The following MAP3K20 variants were observed in gnomAD, a reference collection of about 807,000 sequenced individuals.
The protein encoded by MAP3K20 is mitogen-activated protein kinase kinase kinase 20, also known as HCCS-4.
A neutral mutation model predicts 85.7 loss-of-function variants in MAP3K20; 40 were observed. The observed-to-expected ratio is 0.47, with a 90% CI of 0.36 to 0.61. The LOEUF (loss-of-function observed/expected upper bound fraction) is 0.61. Among genes scored for constraint, MAP3K20 ranks in the 20% least tolerant of loss-of-function variants. MAP3K20 has a pLI of 0.00. For missense variants in MAP3K20, 817 were observed against 961.7 expected (o/e 0.85, Z 1.99); for synonymous variants, 325 against 327.7 (o/e 0.99, Z 0.09).
chr2:173,108,027 T>C (rs1168612078), intron 2 of MAP3K20, among the ~76,000 whole-genome samples: 4 of 152,248 alleles, frequency 2.6e-5, no homozygotes, highest in African/African-American at 7.2e-5. Context: ...TTAAAAAATC[T>C]TTGTTCTCTA....
At position 173,201,514 on chromosome 2, in the gene MAP3K20, A is replaced by G. The variant is rs1339652543; in HGVS notation, c.670-2282A>G. On this transcript the variant is annotated intron_variant, in intron 8 of 19. Coordinates refer to ENST00000375213, the MANE Select transcript of MAP3K20 (RefSeq NM_016653.3). Reference sequence around the variant, plus strand: ...AAGACTTAATCCACTGTTCTTGACTATACTTTAGAAAAAGATAAAAACTTG... The same window carrying G: ...AAGACTTAATCCACTGTTCTTGACTGTACTTTAGAAAAAGATAAAAACTTG... Among the ~76,000 whole-genome samples, 3 of 152,318 alleles carry G rather than the reference A, an allele frequency of 2.0e-5. No individual in the cohort carries two copies. In the South Asian group the frequency reaches 6.2e-4, roughly 32 times the overall value.
intron 3 of MAP3K20, among the ~76,000 whole-genome samples, chr2:173,179,763 A>T (rs1224602385): frequency 6.6e-6 from 1 of 151,842 alleles, no homozygotes; most frequent in Non-Finnish European, 1.5e-5. Context: ...ACTAACAAAC[A>T]TGTTTAGAAG....
At position 173,135,203 on chromosome 2, in the gene MAP3K20, T is replaced by C. The variant is rs553433541; in HGVS notation, c.160-34602T>C. ...AAATTAGGCGATTTGTAAACACTTT[T>C]ACAAGTACATAAAGAGCATTTAATT... On this transcript the variant is annotated intron_variant, in intron 2 of 19. Transcript: ENST00000375213. Among the ~76,000 whole-genome samples, 6 of 152,364 alleles carry C rather than the reference T, an allele frequency of 3.9e-5. No individual in the cohort carries two copies. In the East Asian group the frequency reaches 9.6e-4, roughly 24 times the overall value.
chr2:173,238,832 A>G (rs1365348055), intron 15 of MAP3K20, among the ~76,000 whole-genome samples: 1 of 152,226 alleles, frequency 6.6e-6, no homozygotes, highest in Non-Finnish European at 1.5e-5. Context: ...TGAATAACAT[A>G]TTAGTATACT....
intron 11 of MAP3K20, chr2:173,226,157 A>G (rs967132778): frequency 1.0e-6 from 1 of 983,942 alleles, no homozygotes; most frequent in African/African-American, 1.8e-5. Context: ...AAGGTAGTCA[A>G]ACTTGATCCC....
intron 2 of MAP3K20, among the ~76,000 whole-genome samples, chr2:173,150,686 C>G (rs1333466919): frequency 6.6e-6 from 1 of 152,166 alleles, no homozygotes; most frequent in Non-Finnish European, 1.5e-5. Context: ...CTGCTTCAGC[C>G]TCCTGGGTAG....
chr2:173,200,962 A>C (rs1312606696), intron 8 of MAP3K20, among the ~76,000 whole-genome samples: 1 of 152,178 alleles, frequency 6.6e-6, no homozygotes, highest in East Asian at 1.9e-4. Flanking sequence ...CAAAAACTAA[A>C]GAAATTTGTG....
At chr2:173,225,615 A>C (rs952843121) in intron 11 of MAP3K20, 21 of 984,926 alleles carry the variant, frequency 2.1e-5, no homozygotes, top group Non-Finnish European at 2.5e-5. Context: ...AAAACAAAAA[A>C]AAACAACCCG....
At chr2:173,094,756 G>C (rs982027425) in intron 2 of MAP3K20, among the ~76,000 whole-genome samples, 1 of 152,082 alleles carries the variant, frequency 6.6e-6, no homozygotes, top group African/African-American at 2.4e-5. Flanking sequence ...TGTCTTAATG[G>C]GTGTCTTGTG....
intron 1 of MAP3K20, among the ~76,000 whole-genome samples, chr2:173,088,990 G>C (rs1014373518): frequency 6.6e-6 from 1 of 152,102 alleles, no homozygotes; most frequent in African/African-American, 2.4e-5. Context: ...CCCCAAAGTA[G>C]AGCAGCGTTT....
intron 11 of MAP3K20, chr2:173,224,408 T>A: frequency 2.1e-5 from 21 of 985,410 alleles, no homozygotes; most frequent in Non-Finnish European, 2.5e-5. Context: ...TGATTATACA[T>A]AAAGTTCTGA....
At chr2:173,180,124 T>A (rs994830790) in intron 3 of MAP3K20, among the ~76,000 whole-genome samples, 2 of 152,134 alleles carry the variant, frequency 1.3e-5, no homozygotes, top group Non-Finnish European at 2.9e-5. Flanking sequence ...ATCCTAAAAT[T>A]TACGTGGTAA....
chr2:173,173,192 GTGTGTC>G (rs1193080975), intron 3 of MAP3K20, among the ~76,000 whole-genome samples: 2,066 of 123,094 alleles, frequency 0.017, 25 homozygotes, highest in South Asian at 0.059. Flanking sequence ...GTGTGTGTGT[GTGTGTC>G]TGTGTAAAAC....
intron 2 of MAP3K20, among the ~76,000 whole-genome samples, chr2:173,130,947 T>A (rs1485712654): frequency 6.6e-6 from 1 of 152,216 alleles, no homozygotes; most frequent in Non-Finnish European, 1.5e-5. Context: ...ACAAATAAGA[T>A]GCTTCTAAGA....
chr2:173,231,552 C>T (rs1559291839), intron 12 of MAP3K20, among the ~76,000 whole-genome samples: 1 of 152,208 alleles, frequency 6.6e-6, no homozygotes, highest in Non-Finnish European at 1.5e-5. Context: ...TGAGTGGCTT[C>T]CAGGCCACTT....
At chr2:173,263,940 C>T (rs766003669) in intron 19 of MAP3K20, 45 bp downstream of exon 19, 3 of 1,564,914 alleles carry the variant, frequency 1.9e-6, no homozygotes, top group Admixed American at 4.1e-5. Flanking sequence ...ATTCCAGAAA[C>T]TTAATTATGA....
chr2:173,205,336 C>T (rs77426349), intron 9 of MAP3K20, among the ~76,000 whole-genome samples: 7,990 of 152,068 alleles, frequency 0.053, 318 homozygotes, highest in Middle Eastern at 0.12. Context: ...ATCTGACCCC[C>T]AAGAAGAATG....
intron 2 of MAP3K20, among the ~76,000 whole-genome samples, chr2:173,144,167 A>AAAAG (rs1204202436): frequency 1.3e-5 from 2 of 151,888 alleles, no homozygotes; most frequent in African/African-American, 2.4e-5. Flanking sequence ...AAAAGAAAAT[A>AAAAG]AAAGAAAGAA....
intron 2 of MAP3K20, among the ~76,000 whole-genome samples, chr2:173,098,137 C>T (rs1307462860): frequency 2.0e-5 from 3 of 152,092 alleles, no homozygotes; most frequent in Non-Finnish European, 1.5e-5. Context: ...ATCGATGGGA[C>T]CAATACAAAT....
Sources: gnomAD v4.1 joint callset for allele counts (sites outside exome capture counted in the v4.1 genomes callset) on GRCh38, gnomAD v4.1.1 for gene constraint, MANE v1.5 for transcripts, NCBI Gene and HGNC (gene_info 2026-07-23, HGNC 2026-07-21) for gene names.